The following MYSM1 variants were observed in gnomAD, a reference collection of about 807,000 sequenced individuals.
MYSM1 encodes Myb like, SWIRM and MPN domains 1.
A neutral mutation model predicts 116.0 loss-of-function variants in MYSM1; 51 were observed. The observed-to-expected ratio is 0.44, with a 90% CI of 0.35 to 0.56. The LOEUF (loss-of-function observed/expected upper bound fraction) is 0.56. Ranked by LOEUF, MYSM1 falls within the 20% of genes least tolerant of loss-of-function variation. The pLI is 0.00. For synonymous variants in MYSM1, 313 were observed against 315.2 expected (o/e 0.99, Z 0.07); for missense variants, 900 against 974.9 (o/e 0.92, Z 1.02).
rs1644344002 is a variant in MYSM1 at position 58,658,267 on chromosome 1, A to AT, written c.*1729dup. 2.0e-5 allele frequency: 3 copies of AT among 152,130 alleles called. No homozygotes were observed. The highest frequency in any genetic ancestry group is 7.2e-5 in the African/African-American group (3 of 41,426). 9.4% of individuals were successfully genotyped at this position (152,130 alleles called of 1,614,324 possible). On this transcript the variant is annotated 3_prime_UTR_variant, in exon 20 of 20. Coordinates refer to ENST00000472487, the MANE Select transcript of MYSM1 (RefSeq NM_001085487.3). ...TCTTACACTCTCAGCCCTCAAACTA[A>AT]TTGTTTTATAAGCTATACTTCACTG...
intron 6 of MYSM1, among the ~76,000 whole-genome samples, chr1:58,688,829 T>C (rs1243287226): frequency 6.6e-6 from 1 of 152,176 alleles, no homozygotes; most frequent in Non-Finnish European, 1.5e-5. Context: ...TAAATCTATT[T>C]TAGTATTTTA....
chr1:58,661,230 G>A lies in MYSM1; in HGVS notation c.2271-3C>T. 2 of 1,612,084 alleles carry A rather than the reference G, an allele frequency of 1.2e-6. No homozygotes were observed. Among genetic ancestry groups the A allele is most frequent in the Non-Finnish European group, 1.7e-6 (2 of 1,178,430 alleles). ...AGATTTTATCCATGGGGACGCTGCT[G>A]TAGGAAGAAATATGAAAACAAACTG... On this transcript the variant is annotated splice_region_variant and splice_polypyrimidine_tract_variant and intron_variant, in intron 18 of 19. Transcript: ENST00000472487.
chr1:58,682,941 T>C (rs1262239381), intron 7 of MYSM1, among the ~76,000 whole-genome samples: 4 of 152,238 alleles, frequency 2.6e-5, no homozygotes, highest in African/African-American at 9.6e-5. Context: ...GTGATGCACC[T>C]GCCTCGGCCT....
chr1:58,690,884 A>G (rs998552047), intron 3 of MYSM1, among the ~76,000 whole-genome samples: 1 of 152,178 alleles, frequency 6.6e-6, no homozygotes, highest in African/African-American at 2.4e-5. Context: ...CCACATTTCT[A>G]AAGCCAACAG....
rs1056689164 is a variant in MYSM1 at position 58,690,679 on chromosome 1, G to C, written c.219-262C>G. On this transcript the variant is annotated intron_variant, in intron 3 of 19. Transcript: ENST00000472487. ...TTAAAACACCATGAGATTATTTTGTGATTTTTTTTTTTTTTTTTGGCTCAT... is the reference window on the plus strand; with the variant it reads ...TTAAAACACCATGAGATTATTTTGTCATTTTTTTTTTTTTTTTTGGCTCAT... Among the ~76,000 whole-genome samples the C allele has an allele frequency of 3.6e-5, 4 of 110,554 alleles. No individual in the cohort carries two copies. The Admixed American group carries it at 4.1e-4, about 11-fold the overall frequency. 72.5% of individuals were successfully genotyped at this position (110,554 alleles called of 152,430 possible).
At chr1:58,697,508 A>G (rs1644992430) in intron 1 of MYSM1, among the ~76,000 whole-genome samples, 1 of 151,854 alleles carries the variant, frequency 6.6e-6, no homozygotes, top group Non-Finnish European at 1.5e-5. Flanking sequence ...CAATGAGAAA[A>G]CTCCTTGCAA....
rs1644564579 is a variant in MYSM1 at position 58,671,733 on chromosome 1, A to T, written c.1661+137T>A. On this transcript the variant is annotated intron_variant, in intron 12 of 19. Transcript: ENST00000472487. ...TTCCAAATTCATAATCAGTGAAACA[A>T]AAAAAATCTAAAAAATTGTAGCAGT... The T allele has an allele frequency of 4.6e-6, 3 of 651,704 alleles. No homozygotes were observed. The South Asian group carries it at 6.8e-5, about 15-fold the overall frequency. The allele number at this position is 651,704 out of a possible 1,614,324, so 40.4% of individuals were successfully genotyped here.
In MYSM1 at chr1:58,675,478, A is replaced by G. The variant is rs1644636180; in HGVS notation, c.1493T>C (p.Met498Thr). ...TCACTGAGAGAGATGACTGCTTACCATAGACTGCAGACGCTGGGCAAGTTG... is the reference window on the plus strand; with the variant it reads ...TCACTGAGAGAGATGACTGCTTACCGTAGACTGCAGACGCTGGGCAAGTTG... ...AYQLAQRLQS[M>T]RTRRRRVRDP... The change falls in exon 10 of 20, where the codon ATG (methionine) becomes ACG (threonine). Residue 498 changes from methionine to threonine, a missense_variant and splice_region_variant. Physicochemically the swap from Met to Thr is moderately conservative, Grantham distance 81. Coordinates refer to ENST00000472487, the MANE Select transcript of MYSM1 (RefSeq NM_001085487.3). 1 of 1,607,236 alleles carries G rather than the reference A, an allele frequency of 6.2e-7. No individual in the cohort carries two copies. Among genetic ancestry groups the G allele is most frequent in the Non-Finnish European group, 8.5e-7 (1 of 1,175,302 alleles).
At chr1:58,680,412 A>G (rs1644721269) in intron 8 of MYSM1, among the ~76,000 whole-genome samples, 1 of 152,212 alleles carries the variant, frequency 6.6e-6, no homozygotes, top group South Asian at 2.1e-4. Flanking sequence ...AAGCTCTTTA[A>G]CAACTATAAA....
intron 10 of MYSM1, 90 bp from the exon 11 acceptor site, chr1:58,673,740 T>C (rs1322732920): frequency 9.3e-7 from 1 of 1,079,546 alleles, no homozygotes; most frequent in Non-Finnish European, 1.4e-6. Context: ...ACAATAATTA[T>C]CTAAAAGTCA....
chr1:58,698,824 A>G (rs913495623), intron 1 of MYSM1, among the ~76,000 whole-genome samples: 4 of 152,192 alleles, frequency 2.6e-5, no homozygotes, highest in Admixed American at 1.3e-4. Context: ...AGGGACAATG[A>G]CCATATGAGT....
intron 19 of MYSM1, among the ~76,000 whole-genome samples, chr1:58,660,401 G>T (rs1443201430): frequency 6.6e-6 from 1 of 152,100 alleles, no homozygotes; most frequent in African/African-American, 2.4e-5. Flanking sequence ...ACCTGAGATT[G>T]TTTATGTGAT....
At chr1:58,691,862 G>A (rs1447489080) in intron 3 of MYSM1, among the ~76,000 whole-genome samples, 3 of 151,928 alleles carry the variant, frequency 2.0e-5, no homozygotes, top group Non-Finnish European at 4.4e-5. Context: ...GCGAGATTCC[G>A]TCTCAAAAAA....
intron 17 of MYSM1, among the ~76,000 whole-genome samples, chr1:58,663,601 C>G (rs1644426081): frequency 6.6e-6 from 1 of 152,224 alleles, no homozygotes; most frequent in South Asian, 2.1e-4. Context: ...CAAGACAGCT[C>G]TGTCCAATGG....
At chr1:58,695,358 A>AT in intron 1 of MYSM1, 151 bp from the exon 2 acceptor site, 1 of 522,506 alleles carries the variant, frequency 1.9e-6, no homozygotes, top group Non-Finnish European at 3.5e-6. Flanking sequence ...CATTGTGGAA[A>AT]TGCCTGCTCT....
At chr1:58,671,275 A>AC (rs1644556823) in intron 12 of MYSM1, among the ~76,000 whole-genome samples, 1 of 152,174 alleles carries the variant, frequency 6.6e-6, no homozygotes, top group Admixed American at 6.5e-5. Flanking sequence ...AATACAGCTA[A>AC]CAGTGTTATT....
At chr1:58,696,964 C>T (rs1644984401) in intron 1 of MYSM1, among the ~76,000 whole-genome samples, 1 of 152,184 alleles carries the variant, frequency 6.6e-6, no homozygotes. Context: ...AGAAAGATTA[C>T]TCTGACTTCA....
chr1:58,687,227 C>T (rs1453647624), intron 6 of MYSM1, among the ~76,000 whole-genome samples: 1 of 151,970 alleles, frequency 6.6e-6, no homozygotes, highest in Non-Finnish European at 1.5e-5. Flanking sequence ...TAAAATCTCC[C>T]TTAATGTAAA....
chr1:58,698,098 A>ATTTTTTTTTTTTTTTTT (rs1386142383), intron 1 of MYSM1, among the ~76,000 whole-genome samples: 2 of 30,234 alleles, frequency 6.6e-5, no homozygotes, highest in African/African-American at 2.6e-4. Flanking sequence ...ATATATATAT[A>ATTTTTTTTTTTTTTTTT]TATATTTTTT....
Sources: allele counts gnomAD v4.1 joint callset (sites outside exome capture counted in the v4.1 genomes callset), GRCh38; gene constraint gnomAD v4.1.1; transcripts MANE v1.5; gene names NCBI Gene and HGNC (gene_info 2026-07-23, HGNC 2026-07-21).